The following CABLES1 variants were observed in gnomAD, a reference collection of about 807,000 sequenced individuals.
The protein encoded by CABLES1 is Cdk5 and Abl enzyme substrate 1.
CABLES1 carries 36 observed loss-of-function variants against 57.8 expected under a neutral mutation model. The ratio of observed to expected loss-of-function variants is 0.62; its 90% CI spans 0.48 to 0.82. CABLES1 has a LOEUF of 0.82. Among genes scored for constraint, CABLES1 ranks in the 40% least tolerant of loss-of-function variants. CABLES1 has a pLI of 0.00. For synonymous variants in CABLES1, 374 were observed against 363.0 expected (o/e 1.03, Z -0.35); for missense variants, 767 against 836.6 (o/e 0.92, Z 1.03).
In CABLES1 at chr18:23,241,210, A is replaced by G. The variant is rs11873792; in HGVS notation, c.1446+3965A>G. On this transcript the variant is annotated intron_variant, in intron 7 of 9. Coordinates refer to ENST00000256925, the MANE Select transcript of CABLES1 (RefSeq NM_001100619.3). Reference sequence around the variant, plus strand: ...GAGATTTCCCCATGTCATGTGTGTCAGTAGATTTTTTTTTTTAATTGCTGA... The same window carrying G: ...GAGATTTCCCCATGTCATGTGTGTCGGTAGATTTTTTTTTTTAATTGCTGA... Among the ~76,000 whole-genome samples, 476 of 152,138 alleles carry G rather than the reference A, an allele frequency of 3.1e-3. 1 individual carries two copies. Among genetic ancestry groups the G allele is most frequent in the African/African-American group, 0.011 (461 of 41,508 alleles).
chr18:23,253,953 C>G lies in CABLES1; in HGVS notation c.1761+17C>G, dbSNP rs760086892. ...TTAATTGACGTAAGTAGCCTTTTTC[C>G]TGGTGGCTGGAGGAGCACATGCTCC... On this transcript the variant is annotated intron_variant, in intron 9 of 9. Coordinates refer to ENST00000256925, the MANE Select transcript of CABLES1 (RefSeq NM_001100619.3). 1.2e-6 allele frequency: 2 copies of G among 1,610,324 alleles called. No homozygotes were observed.
chr18:23,223,909 T>C (rs2047508439), intron 4 of CABLES1, among the ~76,000 whole-genome samples: 1 of 151,698 alleles, frequency 6.6e-6, no homozygotes, highest in Non-Finnish European at 1.5e-5. Context: ...GATCCCAGAG[T>C]CCCACTAATC....
chr18:23,244,771 G>A (rs1217281468), intron 7 of CABLES1, among the ~76,000 whole-genome samples: 2 of 152,286 alleles, frequency 1.3e-5, no homozygotes, highest in African/African-American at 4.8e-5. Context: ...GGCTTGCAGC[G>A]GCTGCATACC....
At chr18:23,143,398 T>G (rs1380435880) in intron 1 of CABLES1, among the ~76,000 whole-genome samples, 1 of 152,250 alleles carries the variant, frequency 6.6e-6, no homozygotes, top group Non-Finnish European at 1.5e-5. Flanking sequence ...AACAGGAACC[T>G]GGCCTCCTAA....
intron 1 of CABLES1, among the ~76,000 whole-genome samples, chr18:23,174,573 G>A (rs1187353703): frequency 6.6e-6 from 1 of 151,588 alleles, no homozygotes; most frequent in Non-Finnish European, 1.5e-5. Flanking sequence ...CCGGGTTCAC[G>A]CCATTCTCCT....
At chr18:23,246,091 C>A (rs922671472) in intron 7 of CABLES1, among the ~76,000 whole-genome samples, 1 of 152,120 alleles carries the variant, frequency 6.6e-6, no homozygotes, top group Non-Finnish European at 1.5e-5. Flanking sequence ...CGGTGTAACC[C>A]TGTCTCTACT....
intron 2 of CABLES1, chr18:23,190,393 C>A (rs2047233371): frequency 6.6e-6 from 1 of 152,204 alleles, no homozygotes; most frequent in Non-Finnish European, 1.5e-5. Context: ...CCACTGTGAG[C>A]CGAAGGAAAC....
At chr18:23,171,353 G>A (rs1197807751) in intron 1 of CABLES1, among the ~76,000 whole-genome samples, 3 of 152,204 alleles carry the variant, frequency 2.0e-5, no homozygotes, top group Admixed American at 6.5e-5. Flanking sequence ...TGGGTGCTTA[G>A]CAAATGAAGG....
chr18:23,238,500 G>A (rs2047660739), intron 7 of CABLES1, among the ~76,000 whole-genome samples: 14 of 152,166 alleles, frequency 9.2e-5, no homozygotes, highest in Admixed American at 9.2e-4. Context: ...AACACAGAAA[G>A]CAAAATCAGA....
At position 23,253,916 on chromosome 18, in the gene CABLES1, G is replaced by T. The variant is rs768447551; in HGVS notation, c.1741G>T (p.Glu581Ter). 10 of 1,614,152 alleles carry T rather than the reference G, an allele frequency of 6.2e-6. No individual in the cohort carries two copies. Among genetic ancestry groups the T allele is most frequent in the Non-Finnish European group, 8.5e-6 (10 of 1,180,028 alleles). ...AATTGGAAGTGACCTCAAAAAACAC[G>T]AAGTCAAGCATTTAATTGACGTAAG... ...AKIGSDLKKH[E>*]VKHLIDKLEE... is the part of the protein sequence containing the mutation. The change falls in exon 9 of 10, where the codon GAA (glutamate) becomes TAA (stop). Residue 581 changes from glutamate (E) to a stop codon, truncating the protein, a stop_gained. Transcript: ENST00000256925. LOFTEE classifies it high-confidence loss of function.
intron 7 of CABLES1, among the ~76,000 whole-genome samples, chr18:23,245,308 G>C (rs1386154536): frequency 6.6e-6 from 1 of 152,134 alleles, no homozygotes; most frequent in Non-Finnish European, 1.5e-5. Flanking sequence ...AGGAGTTGGA[G>C]ACCAGCCTAG....
At chr18:23,203,457 TTAA>T (rs1568066132) in intron 3 of CABLES1, among the ~76,000 whole-genome samples, 1 of 143,236 alleles carries the variant, frequency 7.0e-6, no homozygotes, top group African/African-American at 2.7e-5. Context: ...ATAGGATATG[TTAA>T]AAAAAAAAAA....
intron 1 of CABLES1, among the ~76,000 whole-genome samples, chr18:23,151,040 GCA>G (rs2046926510): frequency 7.1e-6 from 1 of 140,256 alleles, no homozygotes; most frequent in Non-Finnish European, 1.5e-5. Flanking sequence ...TTTTTGAGAG[GCA>G]GAGTCTCGCT....
chr18:23,206,499 A>G (rs985537006), intron 3 of CABLES1, among the ~76,000 whole-genome samples: 3 of 152,240 alleles, frequency 2.0e-5, no homozygotes, highest in African/African-American at 4.8e-5. Context: ...GCAGCTTTTC[A>G]TGCCATGCCT....
At chr18:23,223,584 A>C (rs2047505794) in intron 4 of CABLES1, among the ~76,000 whole-genome samples, 1 of 151,264 alleles carries the variant, frequency 6.6e-6, no homozygotes, top group Admixed American at 6.6e-5. Context: ...TCTCAGAAAA[A>C]AAAAAAAAAA....
chr18:23,140,307 C>G (rs2046849518), intron 1 of CABLES1, among the ~76,000 whole-genome samples: 1 of 152,222 alleles, frequency 6.6e-6, no homozygotes, highest in African/African-American at 2.4e-5. Context: ...CTGTGTTACT[C>G]TACTTCCCGG....
intron 3 of CABLES1, chr18:23,198,216 C>T (rs2047298787): frequency 6.6e-6 from 1 of 152,166 alleles, no homozygotes; most frequent in Non-Finnish European, 1.5e-5. Context: ...GCCGAGATCA[C>T]ACCACTACAC....
intron 1 of CABLES1, among the ~76,000 whole-genome samples, chr18:23,144,636 G>A (rs1416063045): frequency 6.6e-6 from 1 of 152,212 alleles, no homozygotes; most frequent in Non-Finnish European, 1.5e-5. Context: ...AGGCTGGATG[G>A]TTAAGGAAAT....
chr18:23,182,221 G>A (rs1026582518), intron 1 of CABLES1, among the ~76,000 whole-genome samples: 1 of 152,186 alleles, frequency 6.6e-6, no homozygotes, highest in Non-Finnish European at 1.5e-5. Context: ...TCATCCACCT[G>A]TTTATACTTG....
Sources: allele counts gnomAD v4.1 joint callset (sites outside exome capture counted in the v4.1 genomes callset), GRCh38; gene constraint gnomAD v4.1.1; transcripts MANE v1.5; gene names NCBI Gene and HGNC (gene_info 2026-07-23, HGNC 2026-07-21).